The following DGKG variants were observed in gnomAD, a reference collection of about 807,000 sequenced individuals.
The protein encoded by DGKG is diacylglycerol kinase gamma, also known as DAG kinase gamma.
A neutral mutation model predicts 105.3 loss-of-function variants in DGKG; 78 were observed. That is an observed-to-expected ratio of 0.74 (90% confidence interval 0.62 to 0.89). The LOEUF (loss-of-function observed/expected upper bound fraction) is 0.89, where lower values mean the gene tolerates loss of function less well. Ranked by LOEUF, DGKG falls within the 40% of genes least tolerant of loss-of-function variation. DGKG has a pLI of 0.00. For synonymous variants in DGKG, 346 were observed against 367.1 expected (o/e 0.94, Z 0.66); for missense variants, 958 against 1,020.1 (o/e 0.94, Z 0.83).
At chr3:186,261,344 C>CG (rs758414491) in intron 15 of DGKG, among the ~76,000 whole-genome samples, 5 of 152,126 alleles carry the variant, frequency 3.3e-5, no homozygotes, top group African/African-American at 7.2e-5. Flanking sequence ...TCCTAATCAA[C>CG]GGGCTGCCCA....
chr3:186,297,366 C>A lies in DGKG; in HGVS notation c.373+55G>T, dbSNP rs376075059. ...GTTGGTTAGGTTTCCCCACTTCTCC[C>A]CAAGGATGAGGTATTCCCTACTTTT... On this transcript the variant is annotated intron_variant, in intron 5 of 24. Coordinates refer to ENST00000265022, the MANE Select transcript of DGKG (RefSeq NM_001346.3). The A allele has an allele frequency of 5.8e-6, 8 of 1,369,238 alleles. No individual in the cohort carries two copies. In the African/African-American group the frequency reaches 8.5e-5, roughly 15 times the overall value. 84.8% of individuals were successfully genotyped at this position (1,369,238 alleles called of 1,614,324 possible).
chr3:186,323,577 A>G (rs1267253538), intron 1 of DGKG, among the ~76,000 whole-genome samples: 1 of 152,178 alleles, frequency 6.6e-6, no homozygotes, highest in Admixed American at 6.5e-5. Context: ...GCGGATCATG[A>G]GGTCAGGAGA....
At chr3:186,189,896 T>C (rs1717823242) in intron 21 of DGKG, among the ~76,000 whole-genome samples, 1 of 152,162 alleles carries the variant, frequency 6.6e-6, no homozygotes, top group African/African-American at 2.4e-5. Flanking sequence ...TCTGAACCCA[T>C]ACAGAATGAC....
At chr3:186,174,499 G>A (rs779777215) in intron 22 of DGKG, among the ~76,000 whole-genome samples, 46 of 152,182 alleles carry the variant, frequency 3.0e-4, no homozygotes, top group Admixed American at 9.8e-4. Flanking sequence ...GCAGAGAGAC[G>A]GTAAAGAGCA....
intron 20 of DGKG, among the ~76,000 whole-genome samples, chr3:186,229,703 A>G (rs1720048653): frequency 1.3e-5 from 2 of 152,192 alleles, no homozygotes; most frequent in Non-Finnish European, 2.9e-5. Flanking sequence ...CCTGAAAAGC[A>G]GGGGCTGTGG....
At chr3:186,234,050 C>T (rs1321232923) in intron 20 of DGKG, among the ~76,000 whole-genome samples, 2 of 152,198 alleles carry the variant, frequency 1.3e-5, no homozygotes, top group Non-Finnish European at 2.9e-5. Flanking sequence ...TCACCTTCTC[C>T]AATAGCTCAC....
At chr3:186,175,448 C>T (rs550248211) in intron 22 of DGKG, among the ~76,000 whole-genome samples, 22 of 152,232 alleles carry the variant, frequency 1.4e-4, no homozygotes, top group Non-Finnish European at 2.5e-4. Context: ...CCGATGAAGG[C>T]GCTGTATGTT....
chr3:186,268,015 G>A (rs1246618687), intron 12 of DGKG, among the ~76,000 whole-genome samples: 4 of 152,104 alleles, frequency 2.6e-5, no homozygotes, highest in Admixed American at 6.6e-5. Context: ...CTACTGAAGC[G>A]ACACAGTCAT....
intron 20 of DGKG, among the ~76,000 whole-genome samples, chr3:186,239,899 CT>C (rs796306145): frequency 0.067 from 9,180 of 136,318 alleles, 620 homozygotes; most frequent in African/African-American, 0.16. Flanking sequence ...ACGCTACAAT[CT>C]TTTTTTTTTT....
At chr3:186,179,692 G>A (rs1717264937) in intron 22 of DGKG, among the ~76,000 whole-genome samples, 1 of 152,238 alleles carries the variant, frequency 6.6e-6, no homozygotes, top group Admixed American at 6.5e-5. Context: ...ACCTGGCAGA[G>A]TCTAGCAAGT....
At chr3:186,277,224 C>T (rs1578765776) in intron 9 of DGKG, among the ~76,000 whole-genome samples, 1 of 152,184 alleles carries the variant, frequency 6.6e-6, no homozygotes, top group Non-Finnish European at 1.5e-5. Context: ...AGTAAAGCTT[C>T]TAGTTCAATG....
At chr3:186,242,394 C>T in intron 20 of DGKG, 110 bp downstream of exon 20, 1 of 871,008 alleles carries the variant, frequency 1.1e-6, no homozygotes, top group Non-Finnish European at 1.7e-6. Flanking sequence ...GCAGGAAGGC[C>T]AAGTCCCCAG....
At chr3:186,327,956 A>G (rs1578840298) in intron 1 of DGKG, among the ~76,000 whole-genome samples, 1 of 151,662 alleles carries the variant, frequency 6.6e-6, no homozygotes. Flanking sequence ...GTAATAACTC[A>G]CCTCCCCATT....
At chr3:186,354,581 A>C (rs4350910) in intron 1 of DGKG, among the ~76,000 whole-genome samples, 3 of 152,048 alleles carry the variant, frequency 2.0e-5, no homozygotes, top group Non-Finnish European at 4.4e-5. Context: ...TTTTCTTGCC[A>C]CAGCAGACTT....
chr3:186,232,537 G>A (rs1298418703), intron 20 of DGKG, among the ~76,000 whole-genome samples: 1 of 152,124 alleles, frequency 6.6e-6, no homozygotes, highest in Non-Finnish European at 1.5e-5. Flanking sequence ...TATCTATCAA[G>A]TTAACTGCTG....
In DGKG at chr3:186,209,088, C is replaced by CTT. The variant is rs1560096022; in HGVS notation, c.1917+2706_1917+2707insAA. On this transcript the variant is annotated intron_variant, in intron 21 of 24. Coordinates refer to ENST00000265022, the MANE Select transcript of DGKG (RefSeq NM_001346.3). ...TGGACTTTTCTCTCCCTTCAGTTTA[C>CTT]TCTTCTTTTTTTTTTTTTTTTTTTT... Among the ~76,000 whole-genome samples the CTT allele has an allele frequency of 1.6e-5, 2 of 124,886 alleles. 1 individual carries two copies. Among genetic ancestry groups the CTT allele is most frequent in the African/African-American group, 6.7e-5 (2 of 29,894 alleles). 81.9% of individuals were successfully genotyped at this position (124,886 alleles called of 152,430 possible).
intron 5 of DGKG, among the ~76,000 whole-genome samples, chr3:186,290,630 C>T (rs561776090): frequency 6.6e-6 from 1 of 152,182 alleles, no homozygotes; most frequent in Non-Finnish European, 1.5e-5. Flanking sequence ...GAAAGAGCTT[C>T]TAGGCCGCAG....
chr3:186,312,122 CAAAAAAAAAAAAAAAAAAAAAA>C (rs34286105), intron 2 of DGKG, among the ~76,000 whole-genome samples: 4 of 17,470 alleles, frequency 2.3e-4, no homozygotes, highest in East Asian at 2.7e-3. Context: ...GACTCCGTCT[CAAAAAAAAAAAAAAAAAAAAAA>C]AAAAAAAAAA....
In DGKG at chr3:186,150,023, T is replaced by G; in HGVS notation, c.*67A>C. 3 of 1,551,472 alleles carry G rather than the reference T, an allele frequency of 1.9e-6. No homozygotes were observed. The East Asian group carries it at 7.1e-5, about 37-fold the overall frequency. ...GTGCATGTGTGAGTGTGCACATAAATTGTGTGTGAGTGTGCATTATAGTTT... is the reference window on the plus strand; with the variant it reads ...GTGCATGTGTGAGTGTGCACATAAAGTGTGTGTGAGTGTGCATTATAGTTT... On this transcript the variant is annotated 3_prime_UTR_variant, in exon 25 of 25. Coordinates refer to ENST00000265022, the MANE Select transcript of DGKG (RefSeq NM_001346.3).
Sources: gnomAD v4.1 joint callset for allele counts (sites outside exome capture counted in the v4.1 genomes callset) on GRCh38, gnomAD v4.1.1 for gene constraint, MANE v1.5 for transcripts, NCBI Gene and HGNC (gene_info 2026-07-23, HGNC 2026-07-21) for gene names.